The following NRXN1 variants were observed in gnomAD, a reference collection of about 807,000 sequenced individuals.
The protein encoded by NRXN1 is neurexin 1.
NRXN1 carries 39 observed loss-of-function variants against 150.9 expected under a neutral mutation model. The ratio of observed to expected loss-of-function variants is 0.26; its 90% confidence interval spans 0.20 to 0.34. The LOEUF (loss-of-function observed/expected upper bound fraction) is 0.34. Among genes scored for constraint, NRXN1 ranks in the 10% least tolerant of loss-of-function variants. The pLI is 1.00. For synonymous variants in NRXN1, 924 were observed against 757.0 expected (o/e 1.22, Z -3.62); for missense variants, 1,815 against 1,949.9 (o/e 0.93, Z 1.30).
chr2:50,964,076 T>G (rs1693658313), intron 2 of NRXN1: 2 of 364,202 alleles, frequency 5.5e-6, no homozygotes, highest in East Asian at 1.5e-4. Flanking sequence ...AAGATCCAGT[T>G]ATGCTATTTA....
At chr2:50,395,533 G>C (rs1222074074) in intron 17 of NRXN1, among the ~76,000 whole-genome samples, 1 of 152,010 alleles carries the variant, frequency 6.6e-6, no homozygotes, top group Non-Finnish European at 1.5e-5. Flanking sequence ...ATGCTTGCTA[G>C]TTTTAAAATA....
chr2:50,945,204 T>C (rs930163990), intron 2 of NRXN1, among the ~76,000 whole-genome samples: 6 of 152,162 alleles, frequency 3.9e-5, no homozygotes, highest in African/African-American at 9.6e-5. Context: ...GCTGAGCTCA[T>C]TGGCTCATGC....
intron 13 of NRXN1, among the ~76,000 whole-genome samples, chr2:50,503,372 G>T (rs1417423420): frequency 6.6e-6 from 1 of 151,464 alleles, no homozygotes; most frequent in Non-Finnish European, 1.5e-5. Flanking sequence ...TAATTGGAAT[G>T]AAGGCATGTC....
chr2:50,984,487 T>C (rs1161991882), intron 2 of NRXN1, among the ~76,000 whole-genome samples: 2 of 152,008 alleles, frequency 1.3e-5, no homozygotes, highest in Non-Finnish European at 2.9e-5. Context: ...TTGCCTAATA[T>C]ATGTGCCTAC....
intron 5 of NRXN1, among the ~76,000 whole-genome samples, chr2:50,852,577 T>C (rs1674679481): frequency 6.6e-6 from 1 of 152,294 alleles, no homozygotes; most frequent in Non-Finnish European, 1.5e-5. Flanking sequence ...TCTGTTTTAC[T>C]GCTTAAGAAG....
At chr2:50,699,072 T>A (rs1221986032) in intron 5 of NRXN1, among the ~76,000 whole-genome samples, 2 of 152,170 alleles carry the variant, frequency 1.3e-5, no homozygotes, top group African/African-American at 4.8e-5. Flanking sequence ...ACAGAGACTG[T>A]CAGACAGTCA....
chr2:50,558,107 T>C (rs1668515328), intron 8 of NRXN1, among the ~76,000 whole-genome samples: 1 of 152,236 alleles, frequency 6.6e-6, no homozygotes, highest in Non-Finnish European at 1.5e-5. Context: ...GTTCACTTTC[T>C]GGCAGGCCCT....
At chr2:50,672,446 G>A (rs948567012) in intron 5 of NRXN1, among the ~76,000 whole-genome samples, 2 of 151,952 alleles carry the variant, frequency 1.3e-5, no homozygotes, top group Non-Finnish European at 2.9e-5. Context: ...GTGGTCAAGA[G>A]GTAACACATG....
chr2:50,071,331 C>G (rs551594789), intron 19 of NRXN1, among the ~76,000 whole-genome samples: 1 of 152,242 alleles, frequency 6.6e-6, no homozygotes, highest in East Asian at 1.9e-4. Flanking sequence ...TGTTTATCCC[C>G]CAAATTCATA....
chr2:50,942,374 C>T (rs1689594945), intron 2 of NRXN1, among the ~76,000 whole-genome samples: 1 of 152,110 alleles, frequency 6.6e-6, no homozygotes. Context: ...TGTGAGAAGG[C>T]AGCTACTCCA....
At chr2:50,119,548 A>G (rs1359040120) in intron 18 of NRXN1, among the ~76,000 whole-genome samples, 1 of 146,544 alleles carries the variant, frequency 6.8e-6, no homozygotes, top group African/African-American at 2.5e-5. Flanking sequence ...GGGTTGAAAG[A>G]AAAGGTTCAT....
intron 21 of NRXN1, among the ~76,000 whole-genome samples, chr2:49,978,651 C>A (rs970561716): frequency 7.0e-6 from 1 of 143,006 alleles, no homozygotes; most frequent in African/African-American, 2.6e-5. Context: ...CACAGAAAAA[C>A]AGCTGGGGGA....
intron 21 of NRXN1, among the ~76,000 whole-genome samples, chr2:49,964,457 G>C (rs1676572198): frequency 6.6e-6 from 1 of 151,872 alleles, no homozygotes; most frequent in South Asian, 2.1e-4. Context: ...GCGCACACCT[G>C]TAATGCCAGC....
intron 5 of NRXN1, among the ~76,000 whole-genome samples, chr2:50,793,491 A>G (rs1397732413): frequency 6.6e-6 from 1 of 152,094 alleles, no homozygotes; most frequent in African/African-American, 2.4e-5. Flanking sequence ...AAGAACCATT[A>G]CTCTAAAAAC....
intron 17 of NRXN1, among the ~76,000 whole-genome samples, chr2:50,456,970 A>C (rs777171045): frequency 4.6e-5 from 7 of 152,160 alleles, no homozygotes; most frequent in Non-Finnish European, 8.8e-5. Context: ...TTAATTTCCC[A>C]CTATACAGAT....
intron 22 of NRXN1, among the ~76,000 whole-genome samples, chr2:49,934,914 T>G (rs376752506): frequency 1.3e-5 from 2 of 152,314 alleles, no homozygotes; most frequent in South Asian, 2.1e-4. Context: ...GCTAAAGCAC[T>G]GCTCCTGTCT....
intron 5 of NRXN1, among the ~76,000 whole-genome samples, chr2:50,724,815 T>G (rs1476187561): frequency 6.6e-6 from 1 of 152,124 alleles, no homozygotes; most frequent in Admixed American, 6.5e-5. Flanking sequence ...TAAAAAATAT[T>G]TATTGGGCAA....
rs796286770 is a variant in NRXN1, at chr2:50,325,216, CA to C, written c.3365-88247del. On this transcript the variant is annotated intron_variant, in intron 17 of 22. Transcript: ENST00000401669. Reference sequence around the variant, plus strand: ...ACAATAAAACAATGTAGTCCAGTGACATAAATGCCAAGGGAAGAATGAATCT... The same window carrying C: ...ACAATAAAACAATGTAGTCCAGTGACTAAATGCCAAGGGAAGAATGAATCT... Among the ~76,000 whole-genome samples the C allele has an allele frequency of 3.1e-4, 47 of 152,282 alleles. 1 individual carries two copies. The highest frequency in any genetic ancestry group is 9.6e-4 in the African/African-American group (40 of 41,572).
chr2:50,879,731 CCT>C (rs1679149590), intron 5 of NRXN1, among the ~76,000 whole-genome samples: 1 of 151,856 alleles, frequency 6.6e-6, no homozygotes, highest in Admixed American at 6.6e-5. Context: ...TCTCTTTCCA[CCT>C]CTGTTTTTCT....
Sources: allele counts gnomAD v4.1 joint callset (sites outside exome capture counted in the v4.1 genomes callset), GRCh38; gene constraint gnomAD v4.1.1; transcripts MANE v1.5; gene names NCBI Gene and HGNC (gene_info 2026-07-23, HGNC 2026-07-21).